The following FBXL13 variants were observed in gnomAD, a reference collection of about 807,000 sequenced individuals.
The protein encoded by FBXL13 is F-box and leucine rich repeat protein 13.
A neutral mutation model predicts 83.6 loss-of-function variants in FBXL13; 67 were observed. That is an observed-to-expected ratio of 0.80 (90% CI 0.66 to 0.98). The LOEUF (loss-of-function observed/expected upper bound fraction) is 0.98, where lower values mean the gene tolerates loss of function less well. FBXL13 is among the 50% of genes least tolerant of loss of function. The probability of loss-of-function intolerance (pLI) is 0.00; values close to 1 mark genes in which losing one functional copy is unlikely to be tolerated. For missense variants in FBXL13, 822 were observed against 866.5 expected (o/e 0.95, Z 0.64); for synonymous variants, 272 against 299.5 (o/e 0.91, Z 0.95).
At chr7:102,907,227 T>C (rs907189350) in intron 11 of FBXL13, among the ~76,000 whole-genome samples, 1 of 152,196 alleles carries the variant, frequency 6.6e-6, no homozygotes, top group Non-Finnish European at 1.5e-5. Flanking sequence ...TTCTATCTCT[T>C]TGTCTACCTC....
intron 11 of FBXL13, among the ~76,000 whole-genome samples, chr7:102,893,907 GA>G (rs1811881310): frequency 6.7e-6 from 1 of 148,436 alleles, no homozygotes; most frequent in African/African-American, 2.5e-5. Context: ...GGAAGGGAGG[GA>G]GGGGAAAGAA....
At chr7:103,043,563 G>A (rs1795970253) in intron 2 of FBXL13, among the ~76,000 whole-genome samples, 1 of 152,192 alleles carries the variant, frequency 6.6e-6, no homozygotes, top group Non-Finnish European at 1.5e-5. Context: ...CGAGGCCGGA[G>A]TCTAATGGCA....
chr7:103,056,811 G>A lies in FBXL13; in HGVS notation c.-104-1064C>T, dbSNP rs961351981. Among the ~76,000 whole-genome samples, 7 of 151,268 alleles carry A rather than the reference G, an allele frequency of 4.6e-5. 1 individual carries two copies. The South Asian group carries it at 6.3e-4, about 14-fold the overall frequency. On this transcript the variant is annotated intron_variant, in intron 1 of 19. Transcript: ENST00000313221. ...AGTGTTCCCTTTTCACTGCATCCACGCCAACATCTATTTTTTTTTTTTATT... is the reference window on the plus strand; with the variant it reads ...AGTGTTCCCTTTTCACTGCATCCACACCAACATCTATTTTTTTTTTTTATT...
chr7:102,913,127 A>T (rs751912354), exon 11 of FBXL13: 11 of 1,614,210 alleles, frequency 6.8e-6, no homozygotes, highest in Non-Finnish European at 8.5e-6. Context: ...AGCTTGTGGC[A>T]TCCATTCCCC....
intron 16 of FBXL13, among the ~76,000 whole-genome samples, chr7:102,868,351 T>C (rs567233308): frequency 1.3e-5 from 2 of 152,292 alleles, no homozygotes; most frequent in Admixed American, 6.5e-5. Flanking sequence ...ATTATTCTCC[T>C]CTCTACTTCT....
chr7:102,884,343 G>T, intron 11 of FBXL13, 31 bp from the exon 13 acceptor site: 1 of 1,491,066 alleles, frequency 6.7e-7, no homozygotes, highest in Non-Finnish European at 9.3e-7. Context: ...AATAATGGGA[G>T]AATGCATTAG....
chr7:102,922,287 C>G (rs1817204987), intron 10 of FBXL13, among the ~76,000 whole-genome samples: 1 of 151,930 alleles, frequency 6.6e-6, no homozygotes, highest in South Asian at 2.1e-4. Flanking sequence ...TAAAACAATA[C>G]TTATCAAGTT....
At chr7:102,811,933 A>G (rs1797456441), downstream of FBXL13, among the ~76,000 whole-genome samples, 1 of 152,238 alleles carries the variant, frequency 6.6e-6, no homozygotes, top group South Asian at 2.1e-4. Flanking sequence ...TACTAAAAGC[A>G]TTTAGCTAAT....
intron 11 of FBXL13, among the ~76,000 whole-genome samples, chr7:102,890,246 A>G (rs1811366856): frequency 6.6e-6 from 1 of 152,222 alleles, no homozygotes; most frequent in South Asian, 2.1e-4. Context: ...AAAATATGTT[A>G]CCAAGTTAAA....
At chr7:102,867,689 ATATATATTTTTTTTT>A (rs1254111231) in intron 16 of FBXL13, among the ~76,000 whole-genome samples, 1 of 75,686 alleles carries the variant, frequency 1.3e-5, no homozygotes, top group African/African-American at 8.1e-5. Flanking sequence ...ATATATATAT[ATATATATTTTTTTTT>A]TTTTTTTTTT....
chr7:102,934,838 T>C (rs1329750412), intron 8 of FBXL13, among the ~76,000 whole-genome samples: 1 of 152,212 alleles, frequency 6.6e-6, no homozygotes, highest in East Asian at 1.9e-4. Context: ...ACCACAAGTT[T>C]TTCTGGGGTC....
chr7:102,960,529 A>C (rs199663136), intron 8 of FBXL13, among the ~76,000 whole-genome samples: 157 of 151,054 alleles, frequency 1.0e-3, no homozygotes, highest in African/African-American at 3.4e-3. Flanking sequence ...GAGACACAAC[A>C]AAAAAAGAGA....
At chr7:102,865,822 G>A (rs1219799735) in intron 16 of FBXL13, among the ~76,000 whole-genome samples, 1 of 152,070 alleles carries the variant, frequency 6.6e-6, no homozygotes, top group African/African-American at 2.4e-5. Flanking sequence ...GGGATTACAG[G>A]GGTGTGCCAC....
chr7:102,965,065 T>C (rs1020949047), intron 7 of FBXL13, among the ~76,000 whole-genome samples: 1 of 152,154 alleles, frequency 6.6e-6, no homozygotes, highest in African/African-American at 2.4e-5. Flanking sequence ...ACCCGAACCC[T>C]TCATGAACAT....
chr7:103,072,383 C>T (rs1188392773), intron 1 of FBXL13, among the ~76,000 whole-genome samples: 1 of 152,086 alleles, frequency 6.6e-6, no homozygotes. Context: ...GTGAAGGACT[C>T]CTCAGGAGAA....
intron 7 of FBXL13, among the ~76,000 whole-genome samples, chr7:102,966,347 T>G (rs1016403735): frequency 6.6e-6 from 1 of 152,040 alleles, no homozygotes; most frequent in Non-Finnish European, 1.5e-5. Flanking sequence ...AGGTATTGGG[T>G]GATGCTGATA....
At chr7:103,046,575 G>A (rs1233643739) in intron 2 of FBXL13, among the ~76,000 whole-genome samples, 1 of 152,178 alleles carries the variant, frequency 6.6e-6, no homozygotes, top group African/African-American at 2.4e-5. Flanking sequence ...AAAGTATAAA[G>A]TTATTCATGT....
chr7:103,013,224 C>T (rs1369500013), intron 6 of FBXL13, among the ~76,000 whole-genome samples: 2 of 152,202 alleles, frequency 1.3e-5, no homozygotes, highest in Non-Finnish European at 2.9e-5. Context: ...TTGAACAGAT[C>T]ATCGAGGCAG....
chr7:102,868,387 G>A (rs989238665), intron 16 of FBXL13, among the ~76,000 whole-genome samples: 6 of 151,776 alleles, frequency 4.0e-5, no homozygotes, highest in South Asian at 2.1e-4. Context: ...TTCAGATTCC[G>A]CATATGAGTG....
Sources: allele counts gnomAD v4.1 joint callset (sites outside exome capture counted in the v4.1 genomes callset), GRCh38; gene constraint gnomAD v4.1.1; transcripts MANE v1.5; gene names NCBI Gene and HGNC (gene_info 2026-07-23, HGNC 2026-07-21).